Variants in LRMDA observed in about 807,000 individuals in gnomAD.
The protein encoded by LRMDA is leucine-rich melanocyte differentiation-associated protein.
Under a neutral mutation model 29.8 loss-of-function variants are expected in LRMDA, and 18 were observed. The ratio of observed to expected loss-of-function variants is 0.60; its 90% confidence interval spans 0.42 to 0.90. The LOEUF is 0.90. Ranked by LOEUF, LRMDA falls within the 40% of genes least tolerant of loss-of-function variation. The probability of loss-of-function intolerance (pLI) is 0.00; values close to 1 mark genes in which losing one functional copy is unlikely to be tolerated. For missense variants in LRMDA, 273 were observed against 273.9 expected (o/e 1.00, Z 0.02); for synonymous variants, 125 against 109.4 (o/e 1.14, Z -0.89).
chr10:75,956,609 T>G (rs576000654), intron 2 of LRMDA, among the ~76,000 whole-genome samples: 29 of 152,298 alleles, frequency 1.9e-4, no homozygotes, highest in Admixed American at 1.5e-3. Flanking sequence ...CCCGTAGTCT[T>G]TCTCTGTCCT....
At chr10:75,552,649 T>C in intron 2 of LRMDA, 1 of 377,070 alleles carries the variant, frequency 2.7e-6, no homozygotes, top group Non-Finnish European at 5.4e-6. Context: ...AGCTATTATC[T>C]CTTCAAACTT....
At chr10:76,133,973 C>T (rs1002166937) in intron 5 of LRMDA, among the ~76,000 whole-genome samples, 2 of 152,208 alleles carry the variant, frequency 1.3e-5, no homozygotes, top group Non-Finnish European at 2.9e-5. Flanking sequence ...AGCTCTGCCA[C>T]AGGCCCTGGC....
intron 6 of LRMDA, among the ~76,000 whole-genome samples, chr10:76,473,920 C>T (rs1348215118): frequency 1.3e-5 from 2 of 151,580 alleles, no homozygotes; most frequent in African/African-American, 4.8e-5. Flanking sequence ...ATTTGATCTA[C>T]AGGTTCAACA....
chr10:76,335,427 T>A (rs1323484416), intron 6 of LRMDA, among the ~76,000 whole-genome samples: 1 of 152,104 alleles, frequency 6.6e-6, no homozygotes, highest in Non-Finnish European at 1.5e-5. Flanking sequence ...TTAGGTTAGA[T>A]CCAAAGGAAG....
At chr10:76,350,676 C>T (rs1841165145) in intron 6 of LRMDA, among the ~76,000 whole-genome samples, 1 of 152,104 alleles carries the variant, frequency 6.6e-6, no homozygotes, top group African/African-American at 2.4e-5. Flanking sequence ...TGGTCAGAAT[C>T]CTCTCTGTCA....
chr10:76,489,404 C>A (rs1357963460), intron 6 of LRMDA, among the ~76,000 whole-genome samples: 1 of 151,720 alleles, frequency 6.6e-6, no homozygotes, highest in Non-Finnish European at 1.5e-5. Context: ...GGTCATCGCT[C>A]TTTTTTTCTT....
intron 2 of LRMDA, among the ~76,000 whole-genome samples, chr10:75,440,482 T>C (rs1229248528): frequency 6.6e-6 from 1 of 151,810 alleles, no homozygotes; most frequent in Non-Finnish European, 1.5e-5. Flanking sequence ...AGTTTGTGTT[T>C]AAGAACTTGG....
At chr10:75,797,229 A>C (rs369677308) in intron 2 of LRMDA, among the ~76,000 whole-genome samples, 1 of 152,072 alleles carries the variant, frequency 6.6e-6, no homozygotes, top group African/African-American at 2.4e-5. Context: ...GTTTACCTAA[A>C]TTTTTGAATT....
chr10:75,564,786 G>A (rs1039261145), intron 2 of LRMDA, among the ~76,000 whole-genome samples: 2 of 152,142 alleles, frequency 1.3e-5, no homozygotes, highest in African/African-American at 4.8e-5. Context: ...GAGAGTTTGG[G>A]TCAGTATGAC....
In LRMDA at chr10:76,116,073, A is replaced by G. The variant is rs532900431; in HGVS notation, c.516+57290A>G. Among the ~76,000 whole-genome samples, 12 of 152,260 alleles carry G rather than the reference A, an allele frequency of 7.9e-5. No individual in the cohort carries two copies. In the South Asian group the frequency reaches 2.1e-3, roughly 26 times the overall value. Reference sequence around the variant, plus strand: ...TTCTGAGATGGAATGGGATGGGGCCACTGCAGGCCCTGTGGGTATGAATGT... The same window carrying G: ...TTCTGAGATGGAATGGGATGGGGCCGCTGCAGGCCCTGTGGGTATGAATGT... On this transcript the variant is annotated intron_variant, in intron 5 of 6. Coordinates refer to ENST00000611255, the MANE Select transcript of LRMDA (RefSeq NM_001305581.2).
intron 2 of LRMDA, among the ~76,000 whole-genome samples, chr10:75,868,326 T>C (rs1236199220): frequency 1.3e-5 from 2 of 152,324 alleles, no homozygotes; most frequent in East Asian, 1.9e-4. Flanking sequence ...TAACCTCAGG[T>C]TGGTCACTTA....
intron 2 of LRMDA, among the ~76,000 whole-genome samples, chr10:75,696,420 A>C (rs1842235641): frequency 6.6e-6 from 1 of 152,236 alleles, no homozygotes; most frequent in Non-Finnish European, 1.5e-5. Context: ...AGAACTAGTC[A>C]CAAGACCCCA....
intron 2 of LRMDA, among the ~76,000 whole-genome samples, chr10:75,756,157 G>A (rs1052390929): frequency 6.6e-6 from 1 of 152,182 alleles, no homozygotes. Flanking sequence ...TCTCTTCAAC[G>A]TTTCATTGAC....
chr10:76,458,216 C>T (rs1842477871), intron 6 of LRMDA, among the ~76,000 whole-genome samples: 2 of 151,556 alleles, frequency 1.3e-5, no homozygotes, highest in South Asian at 4.2e-4. Flanking sequence ...GGGGAGTCAC[C>T]CCTCTCCTCC....
At chr10:76,376,248 G>A (rs893867115) in intron 6 of LRMDA, among the ~76,000 whole-genome samples, 4 of 152,076 alleles carry the variant, frequency 2.6e-5, no homozygotes, top group African/African-American at 9.7e-5. Context: ...AAAACATGCA[G>A]CATTTGACAT....
At chr10:75,961,526 A>G (rs544119782) in intron 2 of LRMDA, among the ~76,000 whole-genome samples, 2 of 152,352 alleles carry the variant, frequency 1.3e-5, no homozygotes, top group East Asian at 3.9e-4. Flanking sequence ...TCACTTTGGC[A>G]AGAGGTTATT....
chr10:75,469,865 G>A (rs1844705410), intron 2 of LRMDA, among the ~76,000 whole-genome samples: 1 of 152,186 alleles, frequency 6.6e-6, no homozygotes, highest in Non-Finnish European at 1.5e-5. Context: ...TTCAAACAAG[G>A]TGCAGAGCTT....
At chr10:75,916,593 C>T (rs1845939734) in intron 2 of LRMDA, among the ~76,000 whole-genome samples, 1 of 152,196 alleles carries the variant, frequency 6.6e-6, no homozygotes, top group Non-Finnish European at 1.5e-5. Flanking sequence ...TCTGCTCTGC[C>T]ATGCTTTTCT....
intron 5 of LRMDA, among the ~76,000 whole-genome samples, chr10:76,135,611 G>T (rs529227888): frequency 6.6e-6 from 1 of 152,048 alleles, no homozygotes; most frequent in South Asian, 2.1e-4. Context: ...TGTCTGCAAG[G>T]GTTGGTTCCT....
Sources: allele counts gnomAD v4.1 joint callset (sites outside exome capture counted in the v4.1 genomes callset), GRCh38; gene constraint gnomAD v4.1.1; transcripts MANE v1.5; gene names NCBI Gene and HGNC (gene_info 2026-07-23, HGNC 2026-07-21).